The following CCDC7 variants were observed in gnomAD, a reference collection of about 807,000 sequenced individuals.
The protein encoded by CCDC7 is coiled-coil domain containing 7.
CCDC7 carries 183 observed loss-of-function variants against 196.9 expected under a neutral mutation model. The observed-to-expected ratio is 0.93, with a 90% CI of 0.82 to 1.05. The LOEUF is 1.05. CCDC7 is among the 50% of genes least tolerant of loss of function. The pLI is 0.00. For synonymous variants in CCDC7, 525 were observed against 484.6 expected (o/e 1.08, Z -1.10); for missense variants, 1,540 against 1,482.2 (o/e 1.04, Z -0.64).
rs1361292258 is a variant in CCDC7 at position 32,511,004 on chromosome 10, T to C, written c.873-6941T>C. On this transcript the variant is annotated intron_variant, in intron 9 of 41. Transcript: ENST00000639629. ...ATAGTACAAATGTTTACAAAGAACA[T>C]TTCACTTAAATTTCACAGCTGCTTA... Among the ~76,000 whole-genome samples the C allele has an allele frequency of 3.3e-5, 5 of 151,466 alleles. No homozygotes were observed. The East Asian group carries it at 9.7e-4, about 29-fold the overall frequency.
At chr10:32,843,264 ATAAT>A (rs764711075) in intron 33 of CCDC7, among the ~76,000 whole-genome samples, 28 of 70,594 alleles carry the variant, frequency 4.0e-4, no homozygotes, top group Non-Finnish European at 1.0e-3. Context: ...TATTATATAA[ATAAT>A]TAATCATAAC....
intron 28 of CCDC7, among the ~76,000 whole-genome samples, chr10:32,763,052 A>G (rs2077699818): frequency 6.6e-6 from 1 of 152,032 alleles, no homozygotes; most frequent in Non-Finnish European, 1.5e-5. Context: ...AAAGGAAATA[A>G]TGCAGAAAAT....
intron 7 of CCDC7, among the ~76,000 whole-genome samples, chr10:32,473,514 T>C (rs968317414): frequency 2.0e-5 from 3 of 152,324 alleles, no homozygotes; most frequent in African/African-American, 7.2e-5. Context: ...GAGAAGTTTT[T>C]TCCTGATTGC....
intron 28 of CCDC7, among the ~76,000 whole-genome samples, chr10:32,748,310 C>T (rs1219966289): frequency 1.3e-5 from 2 of 152,058 alleles, no homozygotes; most frequent in African/African-American, 4.8e-5. Flanking sequence ...ACTCCCATGA[C>T]ACACAATTTA....
At chr10:32,664,834 G>A (rs2072296037) in intron 21 of CCDC7, among the ~76,000 whole-genome samples, 1 of 151,996 alleles carries the variant, frequency 6.6e-6, no homozygotes, top group Admixed American at 6.6e-5. Context: ...TACATCCAGA[G>A]GTGAAATTGT....
At chr10:32,570,001 T>C (rs965297004) in intron 15 of CCDC7, among the ~76,000 whole-genome samples, 11 of 152,312 alleles carry the variant, frequency 7.2e-5, no homozygotes, top group Middle Eastern at 6.8e-3. Context: ...AACATGCTCA[T>C]ATACCTTCAT....
At chr10:32,849,155 TTA>T (rs1393421095) in intron 39 of CCDC7, among the ~76,000 whole-genome samples, 3 of 151,624 alleles carry the variant, frequency 2.0e-5, no homozygotes. Context: ...AGTTACTAAA[TTA>T]TATCTCACTC....
chr10:32,769,784 A>C (rs2078892671), intron 28 of CCDC7, among the ~76,000 whole-genome samples: 1 of 152,144 alleles, frequency 6.6e-6, no homozygotes, highest in South Asian at 2.1e-4. Context: ...TTCCAGCTTT[A>C]TCCATGTCCC....
intron 28 of CCDC7, among the ~76,000 whole-genome samples, chr10:32,764,739 CA>C (rs1473854193): frequency 6.6e-6 from 1 of 152,006 alleles, no homozygotes; most frequent in Admixed American, 6.6e-5. Context: ...CCAGCATTCT[CA>C]AACAGCCCTG....
chr10:32,581,926 A>G (rs2058760736), intron 16 of CCDC7, among the ~76,000 whole-genome samples: 1 of 151,824 alleles, frequency 6.6e-6, no homozygotes, highest in Admixed American at 6.6e-5. Context: ...TTTTAGAACT[A>G]ATCATCTTAA....
intron 28 of CCDC7, among the ~76,000 whole-genome samples, chr10:32,747,616 A>C (rs2075004157): frequency 6.6e-6 from 1 of 152,244 alleles, no homozygotes; most frequent in Non-Finnish European, 1.5e-5. Flanking sequence ...AAAATGCTTA[A>C]CATCTCTAAT....
intron 24 of CCDC7, among the ~76,000 whole-genome samples, chr10:32,705,300 C>A (rs564566462): frequency 1.3e-5 from 2 of 152,012 alleles, no homozygotes; most frequent in South Asian, 2.1e-4. Flanking sequence ...GCCTGCCTTA[C>A]AAAAGCTCCT....
chr10:32,722,376 G>C (rs1009065856), intron 25 of CCDC7, among the ~76,000 whole-genome samples: 5 of 152,098 alleles, frequency 3.3e-5, no homozygotes, highest in Non-Finnish European at 7.4e-5. Flanking sequence ...ACTTCCCAGT[G>C]GTAGGGCTAC....
intron 30 of CCDC7, among the ~76,000 whole-genome samples, chr10:32,810,552 C>T (rs573127224): frequency 6.6e-6 from 1 of 152,116 alleles, no homozygotes; most frequent in East Asian, 1.9e-4. Context: ...CAGAGACAGT[C>T]CAATAAAATA....
intron 13 of CCDC7, among the ~76,000 whole-genome samples, chr10:32,549,055 C>T (rs868197079): frequency 4.6e-5 from 7 of 152,018 alleles, no homozygotes; most frequent in Non-Finnish European, 8.8e-5. Context: ...CTCTGATCAC[C>T]GCATCCACAC....
At position 32,813,029 on chromosome 10, in the gene CCDC7, T is replaced by G. The variant is rs2087515240; in HGVS notation, c.3098-1341T>G. On this transcript the variant is annotated intron_variant, in intron 30 of 41. Transcript: ENST00000639629. ...GTATAGAATGCAGTTGTGGCATATT[T>G]GAGCAGCTGGTGTCATAATGCAACC... Among the ~76,000 whole-genome samples, 7 of 152,168 alleles carry G rather than the reference T, an allele frequency of 4.6e-5. No homozygotes were observed. The South Asian group carries it at 1.5e-3, about 32-fold the overall frequency.
intron 11 of CCDC7, among the ~76,000 whole-genome samples, chr10:32,542,569 CT>C (rs1187886349): frequency 7.2e-6 from 1 of 139,020 alleles, no homozygotes; most frequent in African/African-American, 2.7e-5. Context: ...GGAGGCAGAG[CT>C]TGCAGTGAGC....
intron 36 of CCDC7, 113 bp from the exon 38 acceptor site, chr10:32,846,263 C>A: frequency 1.5e-6 from 1 of 667,682 alleles, no homozygotes; most frequent in Non-Finnish European, 2.6e-6. Flanking sequence ...CATAGTGTTA[C>A]ATTGGTGAAA....
Position 32,506,300 on chromosome 10 carries a change from G to A in CCDC7, c.873-11645G>A, listed in dbSNP as rs1357103439. 8.0e-5 allele frequency among the ~76,000 whole-genome samples: 12 copies of A among 149,660 alleles called. No individual in the cohort carries two copies. In the South Asian group the frequency reaches 1.5e-3, roughly 19 times the overall value. On this transcript the variant is annotated intron_variant, in intron 9 of 41. Transcript: ENST00000639629. Reference sequence around the variant, plus strand: ...GCTCCTCACATCCCAGACGATGGGCGGCCAGGCAGAGACGCTCCTCACTTC... The same window carrying A: ...GCTCCTCACATCCCAGACGATGGGCAGCCAGGCAGAGACGCTCCTCACTTC...
Sources: gnomAD v4.1 joint callset for allele counts (sites outside exome capture counted in the v4.1 genomes callset) on GRCh38, gnomAD v4.1.1 for gene constraint, MANE v1.5 for transcripts, NCBI Gene and HGNC (gene_info 2026-07-23, HGNC 2026-07-21) for gene names.